Variants in NBAS observed in about 807,000 individuals in gnomAD.
The protein encoded by NBAS is NBAS subunit of NRZ tethering complex, also known as NAG/BC035112 fusion.
In NBAS, 219 loss-of-function variants were observed where a neutral mutation model predicts 302.5. The ratio of observed to expected loss-of-function variants is 0.72; its 90% CI spans 0.65 to 0.81. The LOEUF (loss-of-function observed/expected upper bound fraction) is 0.81. NBAS is among the 30% of genes least tolerant of loss of function. NBAS has a pLI of 0.00. For synonymous variants in NBAS, 1,118 were observed against 1,021.6 expected (o/e 1.09, Z -1.80); for missense variants, 2,932 against 2,841.6 (o/e 1.03, Z -0.72).
the NBAS span, among the ~76,000 whole-genome samples, chr2:14,962,528 T>C: frequency 2.0e-5 from 3 of 152,130 alleles, no homozygotes; most frequent in African/African-American, 7.2e-5. Context: ...GACCAGGCTG[T>C]CATGGAGGGA....
At chr2:14,879,554 A>G in the NBAS span, among the ~76,000 whole-genome samples, 3 of 152,188 alleles carry the variant, frequency 2.0e-5, no homozygotes, top group African/African-American at 7.2e-5. Flanking sequence ...ATATAAACAG[A>G]TTACAAATCT....
At chr2:14,991,835 G>A in the NBAS span, among the ~76,000 whole-genome samples, 4 of 152,220 alleles carry the variant, frequency 2.6e-5, no homozygotes, top group African/African-American at 9.7e-5. Flanking sequence ...GTTCTAGACA[G>A]ATTTAGCATT....
the NBAS span, among the ~76,000 whole-genome samples, chr2:15,136,661 G>A: frequency 8.7e-3 from 1,324 of 152,272 alleles, 12 homozygotes; most frequent in Non-Finnish European, 0.014. Flanking sequence ...AGGGAGACAC[G>A]GGTTTAGTGC....
chr2:14,983,819 C>T, the NBAS span, among the ~76,000 whole-genome samples: 1 of 152,266 alleles, frequency 6.6e-6, no homozygotes, highest in Admixed American at 6.5e-5. Context: ...TGAAAGGAGG[C>T]ATTAAAAACC....
At chr2:15,221,599 C>T (rs564357705) in intron 47 of NBAS, among the ~76,000 whole-genome samples, 73 of 152,210 alleles carry the variant, frequency 4.8e-4, no homozygotes, top group African/African-American at 1.6e-3. Context: ...ACAACTGTTT[C>T]GGAGGAAGAG....
chr2:15,498,969 C>T (rs1277036837), intron 11 of NBAS, among the ~76,000 whole-genome samples: 2 of 150,192 alleles, frequency 1.3e-5, no homozygotes, highest in Non-Finnish European at 2.9e-5. Context: ...GCTCCATCGC[C>T]CAGGTTGGAA....
At chr2:14,899,718 C>T in the NBAS span, among the ~76,000 whole-genome samples, 1 of 148,800 alleles carries the variant, frequency 6.7e-6, no homozygotes, top group African/African-American at 2.5e-5. Flanking sequence ...TTTCAGGGTC[C>T]TTTAAAAAAC....
chr2:15,193,139 A>G (rs1665441919), intron 48 of NBAS, among the ~76,000 whole-genome samples: 1 of 152,170 alleles, frequency 6.6e-6, no homozygotes, highest in Non-Finnish European at 1.5e-5. Context: ...TCTCACATGT[A>G]GTCTTTTTAA....
chr2:15,059,894 G>A, the NBAS span, among the ~76,000 whole-genome samples: 1 of 147,880 alleles, frequency 6.8e-6, no homozygotes, highest in Non-Finnish European at 1.5e-5. Context: ...CCACAGGAAA[G>A]CATGTATTTG....
intron 9 of NBAS, among the ~76,000 whole-genome samples, chr2:15,534,248 T>C (rs973909404): frequency 2.6e-4 from 40 of 152,160 alleles, no homozygotes; most frequent in Non-Finnish European, 5.1e-4. Context: ...CTAATTCTCT[T>C]GAGTTATGTA....
At chr2:15,160,728 G>C in the NBAS span, among the ~76,000 whole-genome samples, 1 of 152,196 alleles carries the variant, frequency 6.6e-6, no homozygotes, top group African/African-American at 2.4e-5. Context: ...GAGTTTGCAA[G>C]GATTAAATTT....
chr2:15,319,677 C>G (rs1039887074), intron 38 of NBAS, among the ~76,000 whole-genome samples: 3 of 151,840 alleles, frequency 2.0e-5, no homozygotes, highest in Admixed American at 2.0e-4. Context: ...ACACATACAC[C>G]CTCCCAAGAC....
the NBAS span, among the ~76,000 whole-genome samples, chr2:15,121,446 A>C: frequency 1.3e-5 from 2 of 152,168 alleles, no homozygotes; most frequent in Non-Finnish European, 2.9e-5. Context: ...AAAGACCAAA[A>C]ACTCAGAGGA....
At chr2:15,133,669 A>T in the NBAS span, among the ~76,000 whole-genome samples, 1 of 152,194 alleles carries the variant, frequency 6.6e-6, no homozygotes, top group Admixed American at 6.5e-5. Context: ...AGGAAGAGGA[A>T]ACTCCAGTTG....
the NBAS span, among the ~76,000 whole-genome samples, chr2:14,787,780 G>C: frequency 6.6e-6 from 1 of 152,174 alleles, no homozygotes; most frequent in Non-Finnish European, 1.5e-5. Flanking sequence ...CAACTTTGGT[G>C]AATCTGACAA....
intron 46 of NBAS, 44 bp from the exon 47 acceptor site, chr2:15,232,555 G>A (rs1667425327): frequency 1.9e-6 from 3 of 1,576,340 alleles, no homozygotes; most frequent in African/African-American, 1.3e-5. Flanking sequence ...GATCACTCAA[G>A]TCTCAGAAAT....
chr2:14,861,768 C>T, the NBAS span, among the ~76,000 whole-genome samples: 1 of 144,924 alleles, frequency 6.9e-6, no homozygotes, highest in Non-Finnish European at 1.5e-5. Flanking sequence ...TATACTTTCA[C>T]AATATCAGCG....
At chr2:15,435,405 T>C (rs1393706639) in intron 21 of NBAS, among the ~76,000 whole-genome samples, 2 of 152,218 alleles carry the variant, frequency 1.3e-5, no homozygotes, top group Non-Finnish European at 2.9e-5. Flanking sequence ...GCCCAGCCTA[T>C]GTATAATACT....
chr2:15,363,119 T>C (rs1384779801), intron 32 of NBAS, among the ~76,000 whole-genome samples: 2 of 152,156 alleles, frequency 1.3e-5, no homozygotes, highest in Non-Finnish European at 2.9e-5. Context: ...GGGGAGAGAT[T>C]CCCACCTGTG....
Sources: allele counts gnomAD v4.1 joint callset (sites outside exome capture counted in the v4.1 genomes callset), GRCh38; gene constraint gnomAD v4.1.1; transcripts MANE v1.5; gene names NCBI Gene and HGNC (gene_info 2026-07-23, HGNC 2026-07-21).